Variants in EPB41L4A observed in about 807,000 individuals in gnomAD.
EPB41L4A encodes erythrocyte membrane protein band 4.1 like 4A.
A neutral mutation model predicts 108.6 loss-of-function variants in EPB41L4A; 100 were observed. The ratio of observed to expected loss-of-function variants is 0.92; its 90% CI spans 0.78 to 1.09. EPB41L4A has a LOEUF of 1.09. Ranked by LOEUF, EPB41L4A falls within the 50% of genes least tolerant of loss-of-function variation. The pLI, the probability that EPB41L4A is intolerant of heterozygous loss-of-function variation, is 0.00. For synonymous variants in EPB41L4A, 319 were observed against 289.0 expected (o/e 1.10, Z -1.05); for missense variants, 1,030 against 842.7 (o/e 1.22, Z -2.75).
intron 2 of EPB41L4A, among the ~76,000 whole-genome samples, chr5:112,302,272 G>A (rs959556150): frequency 1.3e-5 from 2 of 152,162 alleles, no homozygotes; most frequent in Admixed American, 6.5e-5. Flanking sequence ...TTGGGAGGCT[G>A]AGGCAGGAGG....
intron 1 of EPB41L4A, among the ~76,000 whole-genome samples, chr5:112,350,526 T>C (rs1263651346): frequency 6.6e-6 from 1 of 152,220 alleles, no homozygotes; most frequent in Non-Finnish European, 1.5e-5. Context: ...TACAGCACAA[T>C]TGTTAACTAA....
chr5:112,342,395 T>C (rs1451516673), intron 1 of EPB41L4A, among the ~76,000 whole-genome samples: 2 of 152,224 alleles, frequency 1.3e-5, no homozygotes, highest in African/African-American at 2.4e-5. Flanking sequence ...TTCATAGAAA[T>C]TGTGCTCAGC....
intron 17 of EPB41L4A, among the ~76,000 whole-genome samples, chr5:112,193,129 T>C (rs1761787129): frequency 6.6e-6 from 1 of 152,198 alleles, no homozygotes; most frequent in Admixed American, 6.5e-5. Context: ...CCACATAGAA[T>C]GCTTTCCTAA....
At chr5:112,222,061 T>TC (rs780144471) in intron 12 of EPB41L4A, among the ~76,000 whole-genome samples, 4 of 152,192 alleles carry the variant, frequency 2.6e-5, no homozygotes, top group Non-Finnish European at 4.4e-5. Flanking sequence ...TTACTGCCTT[T>TC]CCCCCTCTCT....
chr5:112,278,254 A>ATTTTT (rs199773939), intron 3 of EPB41L4A, among the ~76,000 whole-genome samples: 5 of 147,382 alleles, frequency 3.4e-5, no homozygotes, highest in Non-Finnish European at 4.5e-5. Flanking sequence ...CTATACATCA[A>ATTTTT]TTTTTTTTTT....
At chr5:112,375,323 G>GCTCTCTCT (rs1440284141) in intron 1 of EPB41L4A, among the ~76,000 whole-genome samples, 4 of 142,556 alleles carry the variant, frequency 2.8e-5, no homozygotes, top group African/African-American at 1.0e-4. Context: ...TCTCTCTCTC[G>GCTCTCTCT]CACACACACA....
At chr5:112,386,570 G>T (rs753293439) in intron 1 of EPB41L4A, among the ~76,000 whole-genome samples, 1 of 152,112 alleles carries the variant, frequency 6.6e-6, no homozygotes, top group South Asian at 2.1e-4. Context: ...GGATGTAACC[G>T]TCAGGCTCTG....
At chr5:112,267,105 ATTT>A (rs1009562426) in intron 4 of EPB41L4A, among the ~76,000 whole-genome samples, 1 of 151,956 alleles carries the variant, frequency 6.6e-6, no homozygotes, top group Non-Finnish European at 1.5e-5. Flanking sequence ...GATTAGTTTT[ATTT>A]TTTTTCTTAT....
chr5:112,271,616 C>T (rs1297743064), intron 4 of EPB41L4A, among the ~76,000 whole-genome samples: 1 of 152,140 alleles, frequency 6.6e-6, no homozygotes, highest in African/African-American at 2.4e-5. Flanking sequence ...ATGTATTATA[C>T]TTATCAAATC....
chr5:112,309,915 C>T (rs1580658252), intron 1 of EPB41L4A, among the ~76,000 whole-genome samples: 1 of 152,180 alleles, frequency 6.6e-6, no homozygotes. Flanking sequence ...TAACAGCCAG[C>T]AAAGAGATGG....
At chr5:112,340,996 A>G (rs1757280343) in intron 1 of EPB41L4A, among the ~76,000 whole-genome samples, 1 of 152,154 alleles carries the variant, frequency 6.6e-6, no homozygotes, top group Admixed American at 6.5e-5. Context: ...TTTCTGCTCA[A>G]ATGTTACCTT....
At chr5:112,180,079 C>T (rs1472551750) in intron 18 of EPB41L4A, among the ~76,000 whole-genome samples, 1 of 152,074 alleles carries the variant, frequency 6.6e-6, no homozygotes, top group African/African-American at 2.4e-5. Flanking sequence ...TTACTCCGTA[C>T]TGAGAACTAT....
intron 14 of EPB41L4A, chr5:112,204,734 A>C (rs1377769842): frequency 8.2e-6 from 3 of 365,702 alleles, no homozygotes; most frequent in African/African-American, 4.0e-5. Context: ...GTAAAAAATG[A>C]ACACACACAA....
intron 11 of EPB41L4A, among the ~76,000 whole-genome samples, chr5:112,239,014 G>A (rs147871427): frequency 0.018 from 2,782 of 152,254 alleles, 39 homozygotes; most frequent in Non-Finnish European, 0.028. Flanking sequence ...CAGCTAGAGC[G>A]CCAGGGGATG....
intron 3 of EPB41L4A, 73 bp downstream of exon 3, chr5:112,280,199 T>C: frequency 1.5e-6 from 2 of 1,325,410 alleles, no homozygotes; most frequent in South Asian, 1.2e-5. Flanking sequence ...AGCCCACTTC[T>C]GCACCCAACT....
At chr5:112,241,235 T>C (rs1202416757) in intron 9 of EPB41L4A, among the ~76,000 whole-genome samples, 1 of 151,964 alleles carries the variant, frequency 6.6e-6, no homozygotes, top group African/African-American at 2.4e-5. Context: ...CATAAAGCAA[T>C]GAGTAAAGAA....
At chr5:112,223,240 G>C (rs183448141) in intron 12 of EPB41L4A, among the ~76,000 whole-genome samples, 1 of 151,934 alleles carries the variant, frequency 6.6e-6, no homozygotes, top group South Asian at 2.1e-4. Context: ...GTGCCCGACC[G>C]AAAGTAGTTT....
At chr5:112,328,166 G>C (rs1024255474) in intron 1 of EPB41L4A, among the ~76,000 whole-genome samples, 1 of 151,844 alleles carries the variant, frequency 6.6e-6, no homozygotes, top group Admixed American at 6.6e-5. Flanking sequence ...AAAATTAGCC[G>C]AGTGTGGTGG....
chr5:112,307,335 T>C (rs750936084), intron 2 of EPB41L4A, 51 bp downstream of exon 2: 21 of 1,205,128 alleles, frequency 1.7e-5, no homozygotes, highest in Non-Finnish European at 2.5e-5. Flanking sequence ...AAGCCAGAGA[T>C]AGAGTGAAAT....
Sources: allele counts gnomAD v4.1 joint callset (sites outside exome capture counted in the v4.1 genomes callset), GRCh38; gene constraint gnomAD v4.1.1; transcripts MANE v1.5; gene names NCBI Gene and HGNC (gene_info 2026-07-23, HGNC 2026-07-21).